CCDC7: variants seen among roughly 807,000 people sequenced by gnomAD.
The protein encoded by CCDC7 is coiled-coil domain-containing protein 7.
Under a neutral mutation model 196.9 loss-of-function variants are expected in CCDC7, and 183 were observed. The observed-to-expected ratio is 0.93, with a 90% CI of 0.82 to 1.05. The LOEUF (loss-of-function observed/expected upper bound fraction) is 1.05. Ranked by LOEUF, CCDC7 falls within the 50% of genes least tolerant of loss-of-function variation. The pLI, the probability that CCDC7 is intolerant of heterozygous loss-of-function variation, is 0.00. For missense variants in CCDC7, 1,540 were observed against 1,482.2 expected (o/e 1.04, Z -0.64); for synonymous variants, 525 against 484.6 (o/e 1.08, Z -1.10).
intron 20 of CCDC7, among the ~76,000 whole-genome samples, chr10:32,636,989 G>A (rs1204554682): frequency 2.0e-5 from 3 of 152,166 alleles, no homozygotes; most frequent in African/African-American, 7.2e-5. Context: ...GTGATGATGA[G>A]CATTTTTTCA....
At chr10:32,536,180 C>G (rs1172590705) in intron 11 of CCDC7, among the ~76,000 whole-genome samples, 2 of 152,096 alleles carry the variant, frequency 1.3e-5, no homozygotes, top group African/African-American at 2.4e-5. Flanking sequence ...AAAAGCTAAT[C>G]TTGAAACAAT....
At chr10:32,667,863 G>A (rs1357371780) in intron 21 of CCDC7, among the ~76,000 whole-genome samples, 1 of 152,020 alleles carries the variant, frequency 6.6e-6, no homozygotes, top group Non-Finnish European at 1.5e-5. Context: ...CTCTTTTTTG[G>A]TTCCATATGA....
At chr10:32,855,550 C>T (rs2488297) in intron 41 of CCDC7, among the ~76,000 whole-genome samples, 52,017 of 152,030 alleles carry the variant, frequency 0.34, 11,336 homozygotes, top group Non-Finnish European at 0.49. Flanking sequence ...CCCTCTCATG[C>T]GCAGTTCACA....
intron 25 of CCDC7, among the ~76,000 whole-genome samples, chr10:32,720,420 T>A (rs1296204493): frequency 6.8e-6 from 1 of 147,910 alleles, no homozygotes; most frequent in Non-Finnish European, 1.5e-5. Context: ...TGGGGCCTGT[T>A]GGGGGGTAGG....
intron 41 of CCDC7, among the ~76,000 whole-genome samples, chr10:32,869,980 G>A (rs1483951791): frequency 6.6e-6 from 1 of 152,084 alleles, no homozygotes; most frequent in Non-Finnish European, 1.5e-5. Context: ...CCAGTACCAT[G>A]CTCTTTGCTT....
At chr10:32,776,922 A>C (rs1406100974) in intron 28 of CCDC7, among the ~76,000 whole-genome samples, 1 of 151,852 alleles carries the variant, frequency 6.6e-6, no homozygotes. Flanking sequence ...TTCAGCTTCT[A>C]TCTTAGAAGC....
chr10:32,752,272 T>C (rs138665096), intron 28 of CCDC7, among the ~76,000 whole-genome samples: 3 of 152,276 alleles, frequency 2.0e-5, no homozygotes, highest in South Asian at 2.1e-4. Flanking sequence ...GGTAAATGCC[T>C]TCCTATGCAC....
At chr10:32,607,244 T>C (rs1003174769) in intron 18 of CCDC7, among the ~76,000 whole-genome samples, 6 of 152,184 alleles carry the variant, frequency 3.9e-5, no homozygotes, top group African/African-American at 1.4e-4. Context: ...GTACCATGCT[T>C]CCTGTACAGC....
chr10:32,810,080 A>G (rs573998197), intron 30 of CCDC7, among the ~76,000 whole-genome samples: 8 of 145,506 alleles, frequency 5.5e-5, no homozygotes, highest in African/African-American at 1.9e-4. Flanking sequence ...AAATGTTACT[A>G]TGGCAGAAAA....
At chr10:32,462,740 C>G (rs776784116) in intron 4 of CCDC7, 37 bp downstream of exon 5, 1 of 1,447,018 alleles carries the variant, frequency 6.9e-7, no homozygotes, top group Non-Finnish European at 9.3e-7. Context: ...CCTACTAAAA[C>G]TTAACACAGA....
chr10:32,661,309 AAGTC>A (rs1463650068), intron 20 of CCDC7, among the ~76,000 whole-genome samples: 1 of 151,078 alleles, frequency 6.6e-6, no homozygotes, highest in African/African-American at 2.4e-5. Flanking sequence ...AATCATTAAA[AAGTC>A]AGGAAACAAC....
At chr10:32,699,566 C>A (rs2078300461) in intron 24 of CCDC7, among the ~76,000 whole-genome samples, 1 of 149,140 alleles carries the variant, frequency 6.7e-6, no homozygotes, top group African/African-American at 2.6e-5. Context: ...TGGGTATATA[C>A]CCAGTAATGG....
At chr10:32,683,414 A>C (rs2076081968) in intron 21 of CCDC7, among the ~76,000 whole-genome samples, 1 of 152,104 alleles carries the variant, frequency 6.6e-6, no homozygotes, top group Non-Finnish European at 1.5e-5. Flanking sequence ...AGTAGTTTGA[A>C]ATTCTGTAGT....
At chr10:32,502,333 C>A (rs1490620853) in intron 9 of CCDC7, among the ~76,000 whole-genome samples, 1 of 152,214 alleles carries the variant, frequency 6.6e-6, no homozygotes, top group Non-Finnish European at 1.5e-5. Context: ...ACCCCTTGCA[C>A]TTCCCAGGTG....
chr10:32,809,532 A>T (rs1339597937), intron 30 of CCDC7, among the ~76,000 whole-genome samples: 1 of 152,168 alleles, frequency 6.6e-6, no homozygotes, highest in Non-Finnish European at 1.5e-5. Context: ...AATTTGCAAG[A>T]AAAAAACAAA....
At chr10:32,574,482 G>A (rs759694755) in intron 16 of CCDC7, 2 of 1,576,196 alleles carry the variant, frequency 1.3e-6, no homozygotes, top group Non-Finnish European at 1.7e-6. Context: ...CCTTCAGAGA[G>A]TGGATGGGAG....
In CCDC7 at chr10:32,675,059, G is replaced by T. The variant is rs150521937; in HGVS notation, c.2122+10898G>T. On this transcript the variant is annotated intron_variant, in intron 21 of 41. Coordinates refer to ENST00000639629, the Ensembl canonical transcript of CCDC7. The stretch of plus-strand genomic sequence containing the variant: ...CTTTTCTCATCCTTTCAGCTTCTCT[G>T]TATCTTTTGAATGTTAACTTTAACC... Among the ~76,000 whole-genome samples the T allele has an allele frequency of 8.0e-3, 1,222 of 151,972 alleles. 23 individuals carry two copies. Among genetic ancestry groups the T allele is most frequent in the African/African-American group, 0.027 (1,105 of 41,456 alleles).
intron 21 of CCDC7, among the ~76,000 whole-genome samples, chr10:32,680,905 T>G (rs147348460): frequency 6.6e-6 from 1 of 152,292 alleles, no homozygotes; most frequent in Non-Finnish European, 1.5e-5. Flanking sequence ...TTCACCAGGC[T>G]CTCTGACTCA....
At chr10:32,813,029 T>A (rs2087515240) in intron 30 of CCDC7, among the ~76,000 whole-genome samples, 1 of 152,168 alleles carries the variant, frequency 6.6e-6, no homozygotes, top group Non-Finnish European at 1.5e-5. Flanking sequence ...GTGGCATATT[T>A]GAGCAGCTGG....
Sources: gnomAD v4.1 joint callset for allele counts (sites outside exome capture counted in the v4.1 genomes callset) on GRCh38, gnomAD v4.1.1 for gene constraint, MANE v1.5 for transcripts, NCBI Gene and HGNC (gene_info 2026-07-23, HGNC 2026-07-21) for gene names.